The following CENPN variants were observed in gnomAD, a reference collection of about 807,000 sequenced individuals.
CENPN encodes the protein centromere protein N, also known as interphase centromere complex protein 32.
A neutral mutation model predicts 48.6 loss-of-function variants in CENPN; 36 were observed. The ratio of observed to expected loss-of-function variants is 0.74; its 90% CI spans 0.57 to 0.98. The LOEUF is 0.98. CENPN is among the 50% of genes least tolerant of loss of function. CENPN has a pLI of 0.00. For missense variants in CENPN, 439 were observed against 399.2 expected (o/e 1.10, Z -0.85); for synonymous variants, 166 against 135.2 (o/e 1.23, Z -1.58).
intron 1 of CENPN, among the ~76,000 whole-genome samples, chr16:81,008,697 C>T (rs560642607): frequency 5.9e-5 from 9 of 152,040 alleles, no homozygotes; most frequent in Non-Finnish European, 1.3e-4. Flanking sequence ...ACTGTTGAAC[C>T]CCAAACCACC....
chr16:81,011,289 A>C (rs548028436), intron 1 of CENPN, among the ~76,000 whole-genome samples: 18 of 152,276 alleles, frequency 1.2e-4, no homozygotes, highest in African/African-American at 4.1e-4. Flanking sequence ...TCCCACGCTC[A>C]ACTCAGCCTG....
intron 1 of CENPN, among the ~76,000 whole-genome samples, chr16:81,008,643 G>A (rs113527895): frequency 2.0e-5 from 3 of 152,090 alleles, no homozygotes; most frequent in East Asian, 1.9e-4. Flanking sequence ...CCGGCCCCTC[G>A]CCCGTGTTCT....
intron 6 of CENPN, among the ~76,000 whole-genome samples, chr16:81,020,763 G>C (rs1031572418): frequency 2.6e-5 from 4 of 152,196 alleles, no homozygotes; most frequent in East Asian, 1.9e-4. Flanking sequence ...TACTGTCAAA[G>C]TTTGCTATTT....
chr16:81,011,886 G>A (rs1969755411), intron 1 of CENPN, 44 bp from the exon 2 acceptor site: 1 of 1,460,530 alleles, frequency 6.8e-7, no homozygotes, highest in African/African-American at 1.4e-5. Flanking sequence ...GACAAGTATT[G>A]TATTTGGTTA....
At chr16:81,016,423 T>A (rs1969934646) in intron 3 of CENPN, among the ~76,000 whole-genome samples, 1 of 152,216 alleles carries the variant, frequency 6.6e-6, no homozygotes, top group South Asian at 2.1e-4. Context: ...CTCATTTCCA[T>A]CAGAGTCTAA....
At chr16:81,010,925 C>G (rs1321333386) in intron 1 of CENPN, among the ~76,000 whole-genome samples, 1 of 152,226 alleles carries the variant, frequency 6.6e-6, no homozygotes. Context: ...CCTCCTTACA[C>G]TGCGTTCTCA....
intron 9 of CENPN, 96 bp from the exon 10 acceptor site, chr16:81,028,075 A>T: frequency 9.5e-7 from 1 of 1,052,442 alleles, no homozygotes; most frequent in Non-Finnish European, 1.4e-6. Context: ...TCTTAATGGC[A>T]AGAATTAATG....
intron 1 of CENPN, among the ~76,000 whole-genome samples, chr16:81,008,684 C>T (rs1014128553): frequency 6.6e-6 from 1 of 152,264 alleles, no homozygotes; most frequent in Non-Finnish European, 1.5e-5. Flanking sequence ...TGATGTTTCA[C>T]TGACTGTTGA....
At chr16:81,032,805 C>G (rs1036438459), downstream of CENPN, 9 of 1,182,648 alleles carry the variant, frequency 7.6e-6, no homozygotes, top group Admixed American at 2.4e-5. Flanking sequence ...TAAAATGGAC[C>G]CTTTGTTACT....
At chr16:81,031,545 C>G (rs1002343968), downstream of CENPN, 1 of 152,124 alleles carries the variant, frequency 6.6e-6, no homozygotes, top group Admixed American at 6.5e-5. Flanking sequence ...TTGAGTGGGA[C>G]AAAAAAGCAA....
intron 4 of CENPN, among the ~76,000 whole-genome samples, 186 bp from the exon 5 acceptor site, chr16:81,017,572 C>T (rs1021247636): frequency 1.8e-4 from 27 of 151,874 alleles, no homozygotes; most frequent in African/African-American, 6.3e-4. Context: ...ATTTATTACT[C>T]ACTTTTGGAA....
chr16:81,028,897 G>A lies in CENPN; in HGVS notation c.*246G>A. 8.5e-7 allele frequency: 1 copy of A among 1,175,092 alleles called. No homozygotes were observed. Among genetic ancestry groups the A allele is most frequent in the Non-Finnish European group, 1.1e-6 (1 of 951,520 alleles). The allele number at this position is 1,175,092 out of a possible 1,614,324, so 72.8% of individuals were successfully genotyped here. On this transcript the variant is annotated 3_prime_UTR_variant, in exon 11 of 11. Transcript: ENST00000305850. ...AGATGACAGGACATATATATATATG[G>A]CCCCACACTTGACCTTGAGTGCCTG...
At chr16:81,027,406 G>A (rs917796734) in intron 9 of CENPN, among the ~76,000 whole-genome samples, 3 of 152,274 alleles carry the variant, frequency 2.0e-5, no homozygotes, top group African/African-American at 7.2e-5. Context: ...AATGGCTTGA[G>A]CCAGGGAGGT....
rs777313214 is a variant in CENPN, at chr16:81,031,312, G to A, written c.*2661G>A. ...ACCAACCAATAAACTATGGATTTTT[G>A]TACTAAGCCAGTTGCCTCTTTCAAA... On this transcript the variant is annotated 3_prime_UTR_variant, in exon 11 of 11. Coordinates refer to ENST00000305850, the MANE Select transcript of CENPN (RefSeq NM_001100624.3). 1.3e-5 allele frequency: 2 copies of A among 152,176 alleles called. No homozygotes were observed. 9.4% of individuals were successfully genotyped at this position (152,176 alleles called of 1,614,324 possible).
At chr16:81,026,319 T>A (rs1029585838) in intron 8 of CENPN, among the ~76,000 whole-genome samples, 1 of 151,900 alleles carries the variant, frequency 6.6e-6, no homozygotes, top group Non-Finnish European at 1.5e-5. Flanking sequence ...GGTAGAATTA[T>A]GATTTTTATT....
In CENPN at chr16:81,029,401, T is replaced by G. The variant is rs534894072; in HGVS notation, c.*750T>G. On this transcript the variant is annotated 3_prime_UTR_variant, in exon 11 of 11. Coordinates refer to ENST00000305850, the MANE Select transcript of CENPN (RefSeq NM_001100624.3). The stretch of plus-strand genomic sequence containing the variant: ...AATTTTTTCCTTTCTAATTTTTTAT[T>G]TCTTTATTTATTTATTGAGACAGGG... The G allele has an allele frequency of 7.7e-6, 5 of 648,996 alleles. No individual in the cohort carries two copies. The South Asian group carries it at 2.8e-4, about 36-fold the overall frequency. 40.2% of individuals were successfully genotyped at this position (648,996 alleles called of 1,614,324 possible).
downstream of CENPN, chr16:81,032,720 A>T: frequency 6.3e-7 from 1 of 1,587,956 alleles, no homozygotes; most frequent in Non-Finnish European, 8.6e-7. Context: ...ACATTTAGAC[A>T]TTTAAATGGT....
At chr16:81,014,440 C>G in intron 3 of CENPN, 1 of 417,492 alleles carries the variant, frequency 2.4e-6, no homozygotes, top group South Asian at 3.3e-5. Context: ...GCCGTGTTGC[C>G]CAGGCTGGTC....
chr16:81,009,064 G>T lies in CENPN; in HGVS notation c.-11+1787G>T, dbSNP rs1969633222. On this transcript the variant is annotated intron_variant, in intron 1 of 10. Transcript: ENST00000305850. Reference sequence around the variant, plus strand: ...TTTACTAAAAGTAGAAAAATTAGTTGGGTGTCATGGTGCACACCTGTAATC... The same window carrying T: ...TTTACTAAAAGTAGAAAAATTAGTTTGGTGTCATGGTGCACACCTGTAATC... 2.0e-5 allele frequency among the ~76,000 whole-genome samples: 3 copies of T among 152,220 alleles called. No individual in the cohort carries two copies. In the South Asian group the frequency reaches 6.2e-4, roughly 32 times the overall value.
Sources: gnomAD v4.1 joint callset for allele counts (sites outside exome capture counted in the v4.1 genomes callset) on GRCh38, gnomAD v4.1.1 for gene constraint, MANE v1.5 for transcripts, NCBI Gene and HGNC (gene_info 2026-07-23, HGNC 2026-07-21) for gene names.